Variants in SDK1 observed in about 807,000 individuals in gnomAD.
SDK1 encodes sidekick cell adhesion molecule 1.
Under a neutral mutation model 245.5 loss-of-function variants are expected in SDK1, and 157 were observed. That is an observed-to-expected ratio of 0.64 (90% confidence interval 0.56 to 0.73). The LOEUF is 0.73. Ranked by LOEUF, SDK1 falls within the 30% of genes least tolerant of loss-of-function variation. SDK1 has a pLI of 0.00. For synonymous variants in SDK1, 1,647 were observed against 1,278.5 expected, an observed-to-expected ratio of 1.29 and a Z score of -6.15; for missense variants, 3,583 against 3,002.3, an observed-to-expected ratio of 1.19 and a Z score of -4.52.
intron 32 of SDK1, among the ~76,000 whole-genome samples, chr7:4,162,084 G>A (rs1388990234): frequency 6.6e-6 from 1 of 152,132 alleles, no homozygotes; most frequent in East Asian, 1.9e-4. Flanking sequence ...TGCACGTAGA[G>A]AATGAACTTG....
At chr7:3,639,474 C>T (rs1246310146) in intron 3 of SDK1, among the ~76,000 whole-genome samples, 4 of 152,138 alleles carry the variant, frequency 2.6e-5, no homozygotes, top group African/African-American at 9.7e-5. Flanking sequence ...GGTCAAAGTT[C>T]GTCATTGTCA....
rs367920692 is a variant in SDK1, at chr7:4,007,330, A to G, written c.2132-3636A>G. Among the ~76,000 whole-genome samples the G allele has an allele frequency of 1.5e-4, 23 of 152,252 alleles. No homozygotes were observed. The South Asian group carries it at 4.4e-3, about 29-fold the overall frequency. Reference sequence around the variant, plus strand: ...AGAACCCCAGAAGGAGAGATTATGTAGGGTGGCTGCTTGGAAAAGAGGGGG... The same window carrying G: ...AGAACCCCAGAAGGAGAGATTATGTGGGGTGGCTGCTTGGAAAAGAGGGGG... On this transcript the variant is annotated intron_variant, in intron 14 of 44. Coordinates refer to ENST00000404826, the MANE Select transcript of SDK1 (RefSeq NM_152744.4).
At chr7:3,937,923 C>T (rs374394249) in intron 5 of SDK1, among the ~76,000 whole-genome samples, 50 of 152,218 alleles carry the variant, frequency 3.3e-4, no homozygotes, top group South Asian at 2.1e-4. Flanking sequence ...CTGCAACCTC[C>T]GCCTCCCATG....
intron 5 of SDK1, among the ~76,000 whole-genome samples, chr7:3,846,580 T>A (rs892748026): frequency 2.6e-5 from 4 of 152,130 alleles, no homozygotes; most frequent in Admixed American, 2.6e-4. Context: ...ACTCTATAAA[T>A]CCTCTCTAAA....
rs540876108 is a variant in SDK1 at position 3,301,277 on chromosome 7, G to GGGCGGCGGC, written c.-300_-292dup. On this transcript the variant is annotated 5_prime_UTR_variant, in exon 1 of 45. Transcript: ENST00000404826. The stretch of plus-strand genomic sequence containing the variant: ...GCACTTTCTTCTCAGCGCCGGGCGG[G>GGGCGGCGGC]GGCGGCGGCGGCGGCGGCTCCTCCG... Among the ~76,000 whole-genome samples, 22 of 145,858 alleles carry GGGCGGCGGC rather than the reference G, an allele frequency of 1.5e-4. No individual in the cohort carries two copies. The highest frequency in any genetic ancestry group is 2.5e-4 in the African/African-American group (10 of 40,332).
chr7:3,426,646 C>T (rs1779686577), intron 1 of SDK1, among the ~76,000 whole-genome samples: 1 of 152,212 alleles, frequency 6.6e-6, no homozygotes, highest in Non-Finnish European at 1.5e-5. Flanking sequence ...TCCAGTTAGT[C>T]ACCACCTTTG....
rs182955018 is a variant in SDK1 at position 3,462,316 on chromosome 7, A to G, written c.299-156764A>G. 9.9e-4 allele frequency among the ~76,000 whole-genome samples: 150 copies of G among 151,904 alleles called. 1 individual carries two copies. The highest frequency in any genetic ancestry group is 8.8e-3 in the Admixed American group (135 of 15,266). ...ATGACCTCTGCTCCCTCTCCTCTCAATATCTTTCTCTCTTCCCCCCTGCCC... is the reference window on the plus strand; with the variant it reads ...ATGACCTCTGCTCCCTCTCCTCTCAGTATCTTTCTCTCTTCCCCCCTGCCC... On this transcript the variant is annotated intron_variant, in intron 1 of 44. Transcript: ENST00000404826.
At chr7:3,301,989 G>T in intron 1 of SDK1, 105 bp downstream of exon 1, 2 of 863,648 alleles carry the variant, frequency 2.3e-6, no homozygotes, top group Non-Finnish European at 2.8e-6. Context: ...CCCGGCCCGG[G>T]TCGGGATGCG....
At position 4,268,676 on chromosome 7, in the gene SDK1, A is replaced by G; in HGVS notation, c.*3292A>G. The G allele has an allele frequency of 7.3e-7, 1 of 1,367,908 alleles. No homozygotes were observed. The allele number at this position is 1,367,908 out of a possible 1,614,324, so 84.7% of individuals were successfully genotyped here. ...TATTTCTTACGCATTCTTGGCACAC[A>G]GTGTAGCTATCCTCCTGACGAGCAA... On this transcript the variant is annotated 3_prime_UTR_variant, in exon 45 of 45. Transcript: ENST00000404826.
intron 14 of SDK1, among the ~76,000 whole-genome samples, chr7:3,990,150 A>G (rs1056991408): frequency 2.0e-5 from 3 of 152,234 alleles, no homozygotes; most frequent in African/African-American, 7.2e-5. Flanking sequence ...TGAGTTCTGC[A>G]CCACGCAAAC....
At position 3,526,509 on chromosome 7, in the gene SDK1, C is replaced by T. The variant is rs375049674; in HGVS notation, c.299-92571C>T. 1.4e-4 allele frequency among the ~76,000 whole-genome samples: 21 copies of T among 152,136 alleles called. 1 individual carries two copies. In the East Asian group the frequency reaches 4.1e-3, roughly 29 times the overall value. The stretch of plus-strand genomic sequence containing the variant: ...TGTATAAAGTAATCTGAGTATATAT[C>T]TTATGTGTGAGTGTGTCTCTGAATT... On this transcript the variant is annotated intron_variant, in intron 1 of 44. Transcript: ENST00000404826.
intron 1 of SDK1, among the ~76,000 whole-genome samples, chr7:3,521,866 G>T (rs909325689): frequency 6.6e-6 from 1 of 152,106 alleles, no homozygotes; most frequent in South Asian, 2.1e-4. Context: ...CCTGAAAAGG[G>T]ATTTTAGTTC....
chr7:3,633,402 G>A (rs546802304), intron 2 of SDK1, among the ~76,000 whole-genome samples: 18 of 152,120 alleles, frequency 1.2e-4, no homozygotes, highest in African/African-American at 3.9e-4. Flanking sequence ...AGGTAGATTC[G>A]GTCATATCAT....
At position 4,245,919 on chromosome 7, in the gene SDK1, C is replaced by T. The variant is rs545416174; in HGVS notation, c.6381+114C>T. ...TTGAGTCTCATAACATCCCCACAGG[C>T]AGAGCCAAGGACAAAGGGCTTCATT... is the stretch of plus-strand genomic sequence containing the variant. On this transcript the variant is annotated intron_variant, in intron 44 of 44. Coordinates refer to ENST00000404826, the MANE Select transcript of SDK1 (RefSeq NM_152744.4). 6.1e-4 allele frequency: 792 copies of T among 1,295,090 alleles called. 3 individuals are homozygous for T. In the African/African-American group the frequency reaches 8.6e-3, roughly 14 times the overall value. 80.2% of individuals were successfully genotyped at this position (1,295,090 alleles called of 1,614,324 possible).
At chr7:4,056,519 C>T (rs954354600) in intron 19 of SDK1, among the ~76,000 whole-genome samples, 2 of 152,076 alleles carry the variant, frequency 1.3e-5, no homozygotes, top group Admixed American at 6.5e-5. Context: ...GCAGCTCCTC[C>T]GGGACTGAGA....
intron 1 of SDK1, among the ~76,000 whole-genome samples, chr7:3,467,279 T>G (rs1333758291): frequency 6.6e-6 from 1 of 152,070 alleles, no homozygotes; most frequent in Admixed American, 6.5e-5. Flanking sequence ...TGAGAAACAT[T>G]TGGAGCCAAT....
At chr7:3,610,851 T>A (rs892823145) in intron 1 of SDK1, among the ~76,000 whole-genome samples, 1 of 152,238 alleles carries the variant, frequency 6.6e-6, no homozygotes, top group Non-Finnish European at 1.5e-5. Flanking sequence ...ACCCTCCTGC[T>A]TTCTCTGTTT....
chr7:3,747,767 G>C (rs906778120), intron 4 of SDK1, among the ~76,000 whole-genome samples: 1 of 152,010 alleles, frequency 6.6e-6, no homozygotes, highest in Non-Finnish European at 1.5e-5. Flanking sequence ...AAACGCAGAG[G>C]AGTGGTAAGA....
At position 3,454,388 on chromosome 7, in the gene SDK1, TTGTGTG is replaced by T. The variant is rs60437983; in HGVS notation, c.298+152535_298+152540del. Among the ~76,000 whole-genome samples, 282 of 141,788 alleles carry T rather than the reference TTGTGTG, an allele frequency of 2.0e-3. 1 individual carries two copies. Among genetic ancestry groups the T allele is most frequent in the Middle Eastern group, 3.6e-3 (1 of 276 alleles). The allele number at this position is 141,788 out of a possible 152,430, so 93.0% of individuals were successfully genotyped here. A position where few individuals can be genotyped will look rare whatever the true frequency, so the allele number is the denominator to read the frequency against. ...TCGATTTTTTCGTGTTCCCCAAGAT[TTGTGTG>T]TGTGTGTGTGTGTGTGTGTGTGTGT... On this transcript the variant is annotated intron_variant, in intron 1 of 44. Transcript: ENST00000404826.
Sources: gnomAD v4.1 joint callset for allele counts (sites outside exome capture counted in the v4.1 genomes callset) on GRCh38, gnomAD v4.1.1 for gene constraint, MANE v1.5 for transcripts, NCBI Gene and HGNC (gene_info 2026-07-23, HGNC 2026-07-21) for gene names.